Variants in SYNE2 observed in about 807,000 individuals in gnomAD.
SYNE2 encodes the protein spectrin repeat containing nuclear envelope protein 2.
In SYNE2, 431 loss-of-function variants were observed where a neutral mutation model predicts 856.3. The ratio of observed to expected loss-of-function variants is 0.50; its 90% CI spans 0.47 to 0.55. The LOEUF (loss-of-function observed/expected upper bound fraction) is 0.55, where lower values mean the gene tolerates loss of function less well. SYNE2 is among the 20% of genes least tolerant of loss of function. The pLI, the probability that SYNE2 is intolerant of heterozygous loss-of-function variation, is 0.00. For synonymous variants in SYNE2, 2,923 were observed against 2,872.3 expected, an observed-to-expected ratio of 1.02 and a Z score of -0.56; for missense variants, 8,129 against 8,023.2, an observed-to-expected ratio of 1.01 and a Z score of -0.50.
intron 94 of SYNE2, chr14:64,173,815 C>T: frequency 3.6e-6 from 2 of 560,512 alleles, no homozygotes; most frequent in Non-Finnish European, 6.3e-6. Flanking sequence ...CCTCTAAAAC[C>T]AAATGCCTTT....
intron 1 of SYNE2, among the ~76,000 whole-genome samples, chr14:63,788,221 C>T (rs563594953): frequency 2.8e-4 from 42 of 152,178 alleles, no homozygotes; most frequent in Non-Finnish European, 4.7e-4. Flanking sequence ...ACCCGCGAGC[C>T]TGCTGGGACA....
At chr14:63,953,543 G>GAGATAGATAGATAGATAGATAGAT (rs59456660) in intron 7 of SYNE2, among the ~76,000 whole-genome samples, 9 of 90,620 alleles carry the variant, frequency 9.9e-5, no homozygotes, top group African/African-American at 2.3e-4. Context: ...GAGAGAGAGA[G>GAGATAGATAGATAGATAGATAGAT]AGATAGATAG....
chr14:64,000,546 T>A lies in SYNE2; in HGVS notation c.3481-16T>A. ...AACCCCATTAGTTGATAAATTAATT[T>A]ATGTGTTCCATCTAGGTCATAAAAA... On this transcript the variant is annotated splice_polypyrimidine_tract_variant and intron_variant, in intron 27 of 115. Coordinates refer to ENST00000555002, the MANE Select transcript of SYNE2 (RefSeq NM_182914.3). 6.2e-7 allele frequency: 1 copy of A among 1,609,624 alleles called. No individual in the cohort carries two copies. Among genetic ancestry groups the A allele is most frequent in the South Asian group, 1.1e-5 (1 of 90,808 alleles).
At chr14:64,208,720 A>C in intron 100 of SYNE2, 38 bp from the exon 101 acceptor site, 1 of 1,612,560 alleles carries the variant, frequency 6.2e-7, no homozygotes, top group East Asian at 2.2e-5. Context: ...TGCTGCCACC[A>C]ACATCTCAAG....
At chr14:63,845,564 T>G (rs1205525387) in intron 1 of SYNE2, among the ~76,000 whole-genome samples, 2 of 152,166 alleles carry the variant, frequency 1.3e-5, no homozygotes, top group Non-Finnish European at 2.9e-5. Context: ...AATTGTTTCC[T>G]CAAATAATTG....
At chr14:64,216,916 GGGT>G in intron 108 of SYNE2, among the ~76,000 whole-genome samples, 1 of 152,186 alleles carries the variant, frequency 6.6e-6, no homozygotes, top group Admixed American at 6.5e-5. Context: ...GTAGAGATGG[GGGT>G]TTCACCATGT....
chr14:63,974,890 G>GTA lies in SYNE2; in HGVS notation c.1129-1672_1129-1671insAT, dbSNP rs1281921502. Among the ~76,000 whole-genome samples, 74 of 27,480 alleles carry GTA rather than the reference G, an allele frequency of 2.7e-3. 1 individual carries two copies. The highest frequency in any genetic ancestry group is 0.028 in the Middle Eastern group (1 of 36). 18.0% of individuals were successfully genotyped at this position (27,480 alleles called of 152,430 possible). ...TGTGTGTGTGTGTGTGTGTGTGTGT[G>GTA]TGTATATATATATATATATATATAT... is the stretch of plus-strand genomic sequence containing the variant. On this transcript the variant is annotated intron_variant, in intron 11 of 115. Transcript: ENST00000555002.
intron 63 of SYNE2, chr14:64,100,025 G>A (rs565123574): frequency 5.9e-5 from 9 of 152,072 alleles, no homozygotes; most frequent in African/African-American, 2.2e-4. Flanking sequence ...AAAGACACAT[G>A]CACACATATG....
rs2096925132 is a variant in SYNE2, at chr14:64,020,082, C to T, written c.5140C>T (p.Leu1714Phe). The part of the protein sequence containing the change: ...QFLLQSSEIP[L>F]ELQVMESSIL... ...TTTGCTCCAAAGCAGTGAAATACCT[C>T]TTGAATTGCAGGTAAGAATTTTTAT... is the stretch of plus-strand genomic sequence containing the variant. The change falls in exon 35 of 116, where the codon CTT becomes TTT. Residue 1714 changes from leucine to phenylalanine, a missense_variant. This residue lies in a region of SYNE2 where 2,422 missense variants were observed against 2,357.4 expected (regional missense o/e 1.03). Transcript: ENST00000555002. 1.2e-6 allele frequency: 2 copies of T among 1,610,556 alleles called. No homozygotes were observed. The highest frequency in any genetic ancestry group is 1.1e-5 in the South Asian group (1 of 91,008).
intron 2 of SYNE2, among the ~76,000 whole-genome samples, chr14:63,914,575 G>A (rs1419969971): frequency 1.3e-5 from 2 of 152,260 alleles, no homozygotes; most frequent in South Asian, 4.1e-4. Context: ...CTGGGTGTTG[G>A]GTACTGTTTG....
intron 2 of SYNE2, among the ~76,000 whole-genome samples, chr14:63,926,156 C>T (rs953450041): frequency 2.0e-5 from 3 of 151,982 alleles, no homozygotes; most frequent in Non-Finnish European, 2.9e-5. Flanking sequence ...GATTTTAGAA[C>T]ATTTTTGTCA....
chr14:63,845,988 C>A (rs1466585571), intron 1 of SYNE2, among the ~76,000 whole-genome samples: 1 of 151,556 alleles, frequency 6.6e-6, no homozygotes, highest in Non-Finnish European at 1.5e-5. Flanking sequence ...AGGTGATCCA[C>A]CCACCTTGGC....
chr14:64,102,299 T>C (rs990876042), intron 64 of SYNE2, among the ~76,000 whole-genome samples: 15 of 152,152 alleles, frequency 9.9e-5, no homozygotes, highest in Non-Finnish European at 1.6e-4. Flanking sequence ...GTATTTGTAG[T>C]AGAGACGGGG....
intron 1 of SYNE2, among the ~76,000 whole-genome samples, chr14:63,779,929 AAAAT>A (rs1211310140): frequency 2.0e-5 from 3 of 152,154 alleles, no homozygotes; most frequent in African/African-American, 4.8e-5. Context: ...AATAAACAAT[AAAAT>A]AAACGGAATA....
intron 23 of SYNE2, among the ~76,000 whole-genome samples, chr14:63,996,005 G>T (rs900301940): frequency 6.6e-6 from 1 of 152,110 alleles, no homozygotes; most frequent in East Asian, 1.9e-4. Context: ...TTTCTCTCCA[G>T]CTGAGTCCTT....
At chr14:64,082,364 A>G (rs753228617) in intron 57 of SYNE2, among the ~76,000 whole-genome samples, 3 of 152,176 alleles carry the variant, frequency 2.0e-5, no homozygotes, top group Non-Finnish European at 4.4e-5. Flanking sequence ...ACCGGTAAGT[A>G]TAATACTTAC....
intron 1 of SYNE2, among the ~76,000 whole-genome samples, chr14:63,805,176 G>T (rs1180318054): frequency 6.6e-6 from 1 of 152,138 alleles, no homozygotes; most frequent in South Asian, 2.1e-4. Flanking sequence ...CTCTGGCTTT[G>T]TTCTTTTTGC....
chr14:64,213,043 CTCAGAGT>C (rs750440766), intron 105 of SYNE2, 38 bp downstream of exon 105: 21 of 1,610,394 alleles, frequency 1.3e-5, no homozygotes, highest in Non-Finnish European at 1.8e-5. Flanking sequence ...ACCTGGGCTG[CTCAGAGT>C]TTACGTGAGA....
Position 64,003,230 on chromosome 14 carries a change from A to G in SYNE2, c.4297A>G (p.Ile1433Val). ...GGAAAACAAATTACTAGAGGCTTGT[A>G]TTTTCAAAAATAATGAACTCCTTAA... ...TEENKLLEAC[I>V]FKNNELLKNI... is the part of the protein sequence containing the mutation. The change falls in exon 30 of 116, where the codon ATT becomes GTT. Residue 1433 changes from isoleucine (I) to valine (V), a missense_variant. Physicochemically the swap from Ile to Val is conservative, Grantham distance 29 (BLOSUM62 3). Transcript: ENST00000555002. 1.2e-6 allele frequency: 2 copies of G among 1,613,782 alleles called. No homozygotes were observed. The highest frequency in any genetic ancestry group is 1.7e-6 in the Non-Finnish European group (2 of 1,179,870).
Sources: allele counts gnomAD v4.1 joint callset (sites outside exome capture counted in the v4.1 genomes callset), GRCh38; gene constraint gnomAD v4.1.1; regional missense constraint gnomAD v4.1.1; transcripts MANE v1.5; gene names NCBI Gene and HGNC (gene_info 2026-07-23, HGNC 2026-07-21).